IGF2BP2: variants seen among roughly 807,000 people sequenced by gnomAD.
The protein encoded by IGF2BP2 is insulin-like growth factor 2 mRNA-binding protein 2.
In IGF2BP2, 17 loss-of-function variants were observed where a neutral mutation model predicts 75.8. The ratio of observed to expected loss-of-function variants is 0.22; its 90% CI spans 0.15 to 0.34. The LOEUF (loss-of-function observed/expected upper bound fraction) is 0.34, where lower values mean the gene tolerates loss of function less well. Among genes scored for constraint, IGF2BP2 ranks in the 10% least tolerant of loss-of-function variants. IGF2BP2 has a pLI of 1.00. For synonymous variants in IGF2BP2, 288 were observed against 295.6 expected (o/e 0.97, Z 0.26); for missense variants, 516 against 772.4 (o/e 0.67, Z 3.93).
chr3:185,760,966 T>C (rs1732278552), intron 2 of IGF2BP2, among the ~76,000 whole-genome samples: 1 of 152,242 alleles, frequency 6.6e-6, no homozygotes, highest in African/African-American at 2.4e-5. Flanking sequence ...ATTTTTCTTA[T>C]ATTTTCTTAT....
At chr3:185,810,363 A>G (rs1209887617) in intron 2 of IGF2BP2, among the ~76,000 whole-genome samples, 2 of 152,224 alleles carry the variant, frequency 1.3e-5, no homozygotes, top group Non-Finnish European at 2.9e-5. Context: ...AAATACAGAA[A>G]AGTGCAGCAG....
At chr3:185,748,628 C>A (rs950059051) in intron 2 of IGF2BP2, among the ~76,000 whole-genome samples, 7 of 152,142 alleles carry the variant, frequency 4.6e-5, no homozygotes, top group Non-Finnish European at 8.8e-5. Context: ...TTAGAATATA[C>A]CAACTGCCAT....
At chr3:185,769,576 C>T (rs1310419667) in intron 2 of IGF2BP2, among the ~76,000 whole-genome samples, 3 of 151,998 alleles carry the variant, frequency 2.0e-5, no homozygotes, top group African/African-American at 7.2e-5. Context: ...GTGGCTCACG[C>T]TTGTAATCCC....
intron 2 of IGF2BP2, among the ~76,000 whole-genome samples, chr3:185,719,555 T>TGGG (rs904949710): frequency 1.7e-4 from 26 of 152,236 alleles, no homozygotes; most frequent in African/African-American, 6.3e-4. Context: ...GAGTACAGGC[T>TGGG]GGGTGTGGTG....
chr3:185,800,718 A>G (rs797006716), intron 2 of IGF2BP2, among the ~76,000 whole-genome samples: 10 of 143,288 alleles, frequency 7.0e-5, no homozygotes, highest in African/African-American at 1.3e-4. Context: ...GAGCCAAAAA[A>G]AAAGAAAGAA....
At chr3:185,781,485 C>CT (rs1010969477) in intron 2 of IGF2BP2, among the ~76,000 whole-genome samples, 10 of 152,100 alleles carry the variant, frequency 6.6e-5, no homozygotes, top group Non-Finnish European at 1.5e-4. Flanking sequence ...AAGTTAAACT[C>CT]TTTTTAAAGG....
intron 10 of IGF2BP2, among the ~76,000 whole-genome samples, chr3:185,658,733 C>G (rs1577843223): frequency 6.6e-6 from 1 of 152,362 alleles, no homozygotes; most frequent in South Asian, 2.1e-4. Context: ...CCCACTGGCA[C>G]TTGCACCCAT....
chr3:185,768,384 T>C (rs1221395027), intron 2 of IGF2BP2, among the ~76,000 whole-genome samples: 1 of 152,178 alleles, frequency 6.6e-6, no homozygotes, highest in African/African-American at 2.4e-5. Flanking sequence ...CGAGGGCTGA[T>C]GATGAACTAC....
At position 185,687,058 on chromosome 3, in the gene IGF2BP2, G is replaced by A. The variant is rs2149306043; in HGVS notation, c.811C>T (p.Leu271=). ...IMQKEADETK[L]AEEIPLKILA... is the part of the protein sequence containing the mutation. ...TCTGGGCATTGCATGCAAACTTACA[G>A]TTTGGTCTCATCTGCCTCTTTCTGC... The change falls in exon 7 of 16, where the codon CTA becomes TTA. Residue 271 remains leucine, a splice_region_variant and synonymous_variant. Transcript: ENST00000382199. 6.2e-7 allele frequency: 1 copy of A among 1,612,264 alleles called. No individual in the cohort carries two copies. The highest frequency in any genetic ancestry group is 1.1e-5 in the South Asian group (1 of 90,836).
intron 2 of IGF2BP2, chr3:185,713,599 A>G (rs1391144079): frequency 2.2e-6 from 1 of 445,084 alleles, no homozygotes; most frequent in Non-Finnish European, 4.5e-6. Context: ...GTTATTTTTA[A>G]CATTGCGATT....
chr3:185,824,331 G>A (rs1741758563), intron 1 of IGF2BP2, among the ~76,000 whole-genome samples: 1 of 151,336 alleles, frequency 6.6e-6, no homozygotes, highest in East Asian at 2.0e-4. Flanking sequence ...GGCACTGGAA[G>A]AGAGAAGGTC....
chr3:185,786,395 A>C (rs1386069133), intron 2 of IGF2BP2, among the ~76,000 whole-genome samples: 1 of 152,160 alleles, frequency 6.6e-6, no homozygotes, highest in Non-Finnish European at 1.5e-5. Context: ...AAAGAATCAC[A>C]AAAGAAGTGA....
intron 2 of IGF2BP2, among the ~76,000 whole-genome samples, chr3:185,806,375 A>G (rs1475013189): frequency 6.6e-6 from 1 of 152,206 alleles, no homozygotes; most frequent in East Asian, 1.9e-4. Context: ...TTTTTAACTC[A>G]TAAAAAAGCA....
chr3:185,758,512 T>C (rs545537887), intron 2 of IGF2BP2, among the ~76,000 whole-genome samples: 1 of 152,334 alleles, frequency 6.6e-6, no homozygotes, highest in Non-Finnish European at 1.5e-5. Context: ...ATAATGCATG[T>C]AAAGTACATG....
intron 2 of IGF2BP2, among the ~76,000 whole-genome samples, chr3:185,751,497 C>A (rs563485958): frequency 1.6e-4 from 24 of 146,354 alleles, no homozygotes; most frequent in African/African-American, 3.1e-4. Flanking sequence ...AGAATTGCTA[C>A]TAGAATTCTC....
At chr3:185,697,996 C>CAACA in intron 3 of IGF2BP2, among the ~76,000 whole-genome samples, 1 of 152,172 alleles carries the variant, frequency 6.6e-6, no homozygotes, top group East Asian at 1.9e-4. Context: ...ACATACAAAC[C>CAACA]AACAAACCAT....
chr3:185,734,164 CCT>C (rs920739657), intron 2 of IGF2BP2, among the ~76,000 whole-genome samples: 3 of 152,208 alleles, frequency 2.0e-5, no homozygotes, highest in African/African-American at 7.2e-5. Context: ...TGCTCCGGCA[CCT>C]CTCTCCCTAG....
At chr3:185,675,517 G>A in intron 8 of IGF2BP2, 86 bp from the exon 9 acceptor site, 1 of 1,485,650 alleles carries the variant, frequency 6.7e-7, no homozygotes, top group Admixed American at 2.2e-5. Context: ...AACAAGTTTT[G>A]GCGGAGAGAG....
At chr3:185,822,046 A>G (rs1043018739) in intron 2 of IGF2BP2, among the ~76,000 whole-genome samples, 1 of 152,188 alleles carries the variant, frequency 6.6e-6, no homozygotes, top group African/African-American at 2.4e-5. Flanking sequence ...TATGCCACAG[A>G]GATTATTTGC....
Sources: gnomAD v4.1 joint callset for allele counts (sites outside exome capture counted in the v4.1 genomes callset) on GRCh38, gnomAD v4.1.1 for gene constraint, MANE v1.5 for transcripts, NCBI Gene and HGNC (gene_info 2026-07-23, HGNC 2026-07-21) for gene names.